The following HCRTR2 variants were observed in gnomAD, a reference collection of about 807,000 sequenced individuals.
HCRTR2 encodes the protein orexin receptor type 2.
HCRTR2 carries 22 observed loss-of-function variants against 49.0 expected under a neutral mutation model. The observed-to-expected ratio is 0.45, with a 90% CI of 0.32 to 0.64. The LOEUF (loss-of-function observed/expected upper bound fraction) is 0.64. HCRTR2 is among the 30% of genes least tolerant of loss of function. The pLI, the probability that HCRTR2 is intolerant of heterozygous loss-of-function variation, is 0.04. For synonymous variants in HCRTR2, 236 were observed against 205.3 expected (o/e 1.15, Z -1.28); for missense variants, 491 against 559.4 (o/e 0.88, Z 1.23).
At chr6:55,243,769 TAG>T (rs2127308069) in intron 1 of HCRTR2, among the ~76,000 whole-genome samples, 2 of 152,058 alleles carry the variant, frequency 1.3e-5, no homozygotes, top group Admixed American at 1.3e-4. Context: ...TTTGTGCCCG[TAG>T]AGAGATAAGA....
intron 1 of HCRTR2, among the ~76,000 whole-genome samples, chr6:55,144,326 G>A (rs1273101592): frequency 6.6e-6 from 1 of 151,918 alleles, no homozygotes; most frequent in Non-Finnish European, 1.5e-5. Context: ...ACATTGGTCA[G>A]ACTGGTCTTG....
intron 1 of HCRTR2, among the ~76,000 whole-genome samples, chr6:55,230,462 A>T (rs549830103): frequency 2.6e-5 from 4 of 152,342 alleles, no homozygotes; most frequent in Admixed American, 6.5e-5. Flanking sequence ...TAAAATGTAT[A>T]ATCTAAATTA....
intron 1 of HCRTR2, among the ~76,000 whole-genome samples, chr6:55,112,581 C>G (rs944607635): frequency 8.0e-5 from 12 of 150,430 alleles, no homozygotes; most frequent in Non-Finnish European, 5.9e-5. Flanking sequence ...AGGAATATAC[C>G]TAACCAAGGA....
intron 1 of HCRTR2, among the ~76,000 whole-genome samples, chr6:55,194,413 C>T (rs1479670497): frequency 6.6e-6 from 1 of 151,778 alleles, no homozygotes; most frequent in Non-Finnish European, 1.5e-5. Flanking sequence ...ATATTATAAC[C>T]CATTCTGTTT....
chr6:55,281,034 A>C (rs1482070656), intron 6 of HCRTR2, among the ~76,000 whole-genome samples: 3 of 152,186 alleles, frequency 2.0e-5, no homozygotes, highest in Non-Finnish European at 2.9e-5. Context: ...AAGTCATTTA[A>C]ATCACTATTG....
chr6:55,250,990 C>A (rs1241731977), intron 2 of HCRTR2, among the ~76,000 whole-genome samples: 1 of 152,110 alleles, frequency 6.6e-6, no homozygotes, highest in Non-Finnish European at 1.5e-5. Context: ...AAACTAGTAT[C>A]TCCAAATTCT....
intron 1 of HCRTR2, among the ~76,000 whole-genome samples, chr6:55,242,019 C>A (rs1050527400): frequency 4.6e-5 from 7 of 151,680 alleles, no homozygotes; most frequent in Admixed American, 2.0e-4. Context: ...CAGGCTCCCA[C>A]CACCAAGCCC....
At chr6:55,267,563 A>T (rs951635975) in intron 4 of HCRTR2, among the ~76,000 whole-genome samples, 1 of 152,108 alleles carries the variant, frequency 6.6e-6, no homozygotes, top group Non-Finnish European at 1.5e-5. Flanking sequence ...TTCAACACTA[A>T]ATCTTAATCG....
At chr6:55,122,429 G>A (rs1299764767) in intron 1 of HCRTR2, among the ~76,000 whole-genome samples, 1 of 151,960 alleles carries the variant, frequency 6.6e-6, no homozygotes, top group Non-Finnish European at 1.5e-5. Context: ...TGGATTCATT[G>A]ATTTTTTGAA....
intron 1 of HCRTR2, among the ~76,000 whole-genome samples, chr6:55,136,845 C>T (rs1352470124): frequency 6.6e-5 from 10 of 152,194 alleles, no homozygotes; most frequent in Non-Finnish European, 1.5e-5. Flanking sequence ...CAGTGTCCTA[C>T]TGGACATGGG....
At chr6:55,227,272 G>A (rs998650545) in intron 1 of HCRTR2, among the ~76,000 whole-genome samples, 2 of 152,082 alleles carry the variant, frequency 1.3e-5, no homozygotes, top group African/African-American at 4.8e-5. Context: ...AGATATCAAT[G>A]GGTTATTTTG....
intron 1 of HCRTR2, among the ~76,000 whole-genome samples, chr6:55,185,389 A>T (rs914391497): frequency 6.6e-6 from 1 of 152,208 alleles, no homozygotes; most frequent in African/African-American, 2.4e-5. Flanking sequence ...TTATAGACGT[A>T]TGTGTTATTT....
chr6:55,188,590 A>C (rs746631715), intron 1 of HCRTR2, among the ~76,000 whole-genome samples: 1 of 152,192 alleles, frequency 6.6e-6, no homozygotes, highest in Non-Finnish European at 1.5e-5. Context: ...GGGCTTATCT[A>C]ATTTGGAGCT....
At chr6:55,248,371 A>G (rs770003703) in intron 1 of HCRTR2, among the ~76,000 whole-genome samples, 2 of 152,098 alleles carry the variant, frequency 1.3e-5, no homozygotes, top group Non-Finnish European at 2.9e-5. Flanking sequence ...ACCATTTTAA[A>G]ACATCTGGCA....
At chr6:55,192,609 C>A (rs1562002050) in intron 1 of HCRTR2, among the ~76,000 whole-genome samples, 1 of 152,246 alleles carries the variant, frequency 6.6e-6, no homozygotes, top group Non-Finnish European at 1.5e-5. Context: ...TGCATACACA[C>A]TTTTCTGCAT....
chr6:55,248,775 G>GT lies in HCRTR2; in HGVS notation c.366dup (p.Gly123TrpfsTer41). On this transcript the variant is annotated frameshift_variant, in exon 2 of 7. Transcript: ENST00000370862. LOFTEE classifies it high-confidence loss of function. ...TGGTCGTGGATATCACTGAGACCTG[G>GT]TTTTTTGGACAGTCCCTTTGCAAAG... The GT allele has an allele frequency of 6.2e-7, 1 of 1,613,444 alleles. No individual in the cohort carries two copies. Among genetic ancestry groups the GT allele is most frequent in the Non-Finnish European group, 8.5e-7 (1 of 1,179,516 alleles).
chr6:55,224,287 A>G (rs1052394628), intron 1 of HCRTR2, among the ~76,000 whole-genome samples: 1 of 152,182 alleles, frequency 6.6e-6, no homozygotes, highest in Non-Finnish European at 1.5e-5. Flanking sequence ...AATAGCCAAG[A>G]TATAGAATCA....
intron 1 of HCRTR2, among the ~76,000 whole-genome samples, chr6:55,247,045 T>C (rs1162429977): frequency 2.0e-5 from 3 of 152,092 alleles, no homozygotes; most frequent in Non-Finnish European, 4.4e-5. Flanking sequence ...ATTTGGACAA[T>C]TTATTGACCA....
intron 1 of HCRTR2, among the ~76,000 whole-genome samples, chr6:55,235,253 G>C (rs1766192741): frequency 6.6e-6 from 1 of 151,998 alleles, no homozygotes; most frequent in African/African-American, 2.4e-5. Context: ...CTGAATAGTA[G>C]TTACAAGGGT....
Sources: gnomAD v4.1 joint callset for allele counts (sites outside exome capture counted in the v4.1 genomes callset) on GRCh38, gnomAD v4.1.1 for gene constraint, MANE v1.5 for transcripts, NCBI Gene and HGNC (gene_info 2026-07-23, HGNC 2026-07-21) for gene names.